Variants in CUX2 observed in about 807,000 individuals in gnomAD.
CUX2 encodes the protein homeobox protein cut-like 2.
CUX2 carries 40 observed loss-of-function variants against 144.8 expected under a neutral mutation model. The ratio of observed to expected loss-of-function variants is 0.28; its 90% confidence interval spans 0.21 to 0.36. CUX2 has a LOEUF of 0.36. CUX2 is among the 10% of genes least tolerant of loss of function. CUX2 has a pLI of 1.00. For synonymous variants in CUX2, 827 were observed against 875.6 expected, an observed-to-expected ratio of 0.94 and a Z score of 0.98; for missense variants, 1,615 against 1,994.0, an observed-to-expected ratio of 0.81 and a Z score of 3.62.
intron 1 of CUX2, among the ~76,000 whole-genome samples, chr12:111,102,409 G>A (rs560191883): frequency 6.6e-6 from 1 of 152,184 alleles, no homozygotes; most frequent in East Asian, 1.9e-4. Context: ...GTCCAAAGCC[G>A]ACTGACATCT....
intron 1 of CUX2, among the ~76,000 whole-genome samples, chr12:111,136,469 C>T (rs7303588): frequency 0.13 from 19,494 of 152,052 alleles, 4,214 homozygotes; most frequent in African/African-American, 0.44. Flanking sequence ...GGCCTCTTGA[C>T]AGGGAGACCC....
chr12:111,098,254 A>G (rs1592892515), intron 1 of CUX2, among the ~76,000 whole-genome samples: 1 of 152,010 alleles, frequency 6.6e-6, no homozygotes, highest in African/African-American at 2.4e-5. Flanking sequence ...ATAAAAATTA[A>G]CCGGGTGTGG....
intron 1 of CUX2, among the ~76,000 whole-genome samples, chr12:111,099,018 A>G (rs1001484): frequency 0.44 from 66,910 of 152,124 alleles, 20,695 homozygotes; most frequent in African/African-American, 0.86. Flanking sequence ...CCTCTGGAGT[A>G]AGGATAGGTG....
chr12:111,046,285 C>A (rs998846611), intron 1 of CUX2, among the ~76,000 whole-genome samples: 1 of 152,248 alleles, frequency 6.6e-6, no homozygotes, highest in Non-Finnish European at 1.5e-5. Context: ...TGCGGAGAGA[C>A]CAGTGCAGGC....
intron 1 of CUX2, among the ~76,000 whole-genome samples, chr12:111,048,220 C>T (rs1039569796): frequency 6.6e-6 from 1 of 152,162 alleles, no homozygotes; most frequent in Non-Finnish European, 1.5e-5. Flanking sequence ...GTTTGGCTCC[C>T]GCTGGGTTCA....
intron 1 of CUX2, among the ~76,000 whole-genome samples, chr12:111,084,991 C>T (rs1054039218): frequency 1.3e-5 from 2 of 152,194 alleles, no homozygotes; most frequent in African/African-American, 4.8e-5. Flanking sequence ...CATTGAGCAT[C>T]TACTATGTGC....
chr12:111,100,205 G>A (rs1317050405), intron 1 of CUX2: 2 of 352,422 alleles, frequency 5.7e-6, no homozygotes, highest in African/African-American at 2.3e-5. Flanking sequence ...GTGTGTGTAT[G>A]TGTGTGTGTG....
intron 1 of CUX2, among the ~76,000 whole-genome samples, chr12:111,119,289 C>A (rs1874485170): frequency 6.6e-6 from 1 of 152,042 alleles, no homozygotes; most frequent in Non-Finnish European, 1.5e-5. Flanking sequence ...GGGTAGCCTG[C>A]CCTGAGATTG....
intron 16 of CUX2, among the ~76,000 whole-genome samples, chr12:111,313,298 T>G (rs1401619534): frequency 6.6e-6 from 1 of 150,708 alleles, no homozygotes; most frequent in Non-Finnish European, 1.5e-5. Flanking sequence ...CTTGAACTCC[T>G]GACCTCGTGA....
intron 1 of CUX2, among the ~76,000 whole-genome samples, chr12:111,038,156 G>T (rs1009347147): frequency 6.6e-6 from 1 of 152,152 alleles, no homozygotes; most frequent in Non-Finnish European, 1.5e-5. Flanking sequence ...AAAAGAGCAG[G>T]GATGTGATTA....
intron 3 of CUX2, among the ~76,000 whole-genome samples, chr12:111,237,930 G>A (rs1882839441): frequency 6.6e-6 from 1 of 152,158 alleles, no homozygotes; most frequent in Non-Finnish European, 1.5e-5. Context: ...GGGGTGCCCT[G>A]TACATTGTAG....
At chr12:111,217,492 G>A (rs1881607450) in intron 2 of CUX2, among the ~76,000 whole-genome samples, 1 of 152,136 alleles carries the variant, frequency 6.6e-6, no homozygotes, top group Non-Finnish European at 1.5e-5. Context: ...TGCTGAGCAT[G>A]GAGAATTGGG....
At chr12:111,298,489 G>T in intron 8 of CUX2, 52 bp from the exon 9 acceptor site, 2 of 1,541,366 alleles carry the variant, frequency 1.3e-6, no homozygotes, top group Non-Finnish European at 8.8e-7. Context: ...GAGGGGCGGG[G>T]GCCTGGAGCC....
intron 18 of CUX2, among the ~76,000 whole-genome samples, chr12:111,330,686 C>T (rs11065867): frequency 3.4e-5 from 2 of 59,292 alleles, no homozygotes; most frequent in Non-Finnish European, 7.7e-5. Flanking sequence ...AATACATATA[C>T]ATATATATAT....
intron 1 of CUX2, among the ~76,000 whole-genome samples, chr12:111,080,137 G>T (rs1871792890): frequency 1.3e-5 from 2 of 152,136 alleles, no homozygotes; most frequent in Admixed American, 6.5e-5. Flanking sequence ...CTTTGCACTG[G>T]CTGTTCCCTC....
At chr12:111,199,459 G>C (rs1233064641) in intron 1 of CUX2, among the ~76,000 whole-genome samples, 1 of 152,126 alleles carries the variant, frequency 6.6e-6, no homozygotes, top group Admixed American at 6.5e-5. Flanking sequence ...AGGATTTCCT[G>C]GCTGGAGAAC....
rs746527601 is a variant in CUX2 at position 111,307,610 on chromosome 12, T to C, written c.1109+353T>C. ...CACTCAGGAGGCTGATGTGGGAGGA[T>C]TGCTTGAGCCTGAGAGGTCAAGGCT... On this transcript the variant is annotated intron_variant, in intron 12 of 21. Coordinates refer to ENST00000261726, the MANE Select transcript of CUX2 (RefSeq NM_015267.4). The surrounding 1 kb of genome is among the most constrained non-coding windows in gnomAD (Gnocchi z 4.1). Among the ~76,000 whole-genome samples, 12 of 152,094 alleles carry C rather than the reference T, an allele frequency of 7.9e-5. No individual in the cohort carries two copies. Among genetic ancestry groups the C allele is most frequent in the African/African-American group, 2.2e-4 (9 of 41,412 alleles).
At chr12:111,100,059 T>G (rs1022217452) in intron 1 of CUX2, 1 of 456,822 alleles carries the variant, frequency 2.2e-6, no homozygotes, top group Non-Finnish European at 4.4e-6. Context: ...AGCGGGGCTG[T>G]GTCTGGACAC....
At chr12:111,275,653 C>T (rs762213682) in intron 4 of CUX2, among the ~76,000 whole-genome samples, 14 of 152,320 alleles carry the variant, frequency 9.2e-5, no homozygotes, top group South Asian at 4.1e-4. Flanking sequence ...GGGGGCTTGG[C>T]AGCACCTAGT....
Sources: gnomAD v4.1 joint callset for allele counts (sites outside exome capture counted in the v4.1 genomes callset) on GRCh38, gnomAD v4.1.1 for gene constraint, Gnocchi (gnomAD v3.1) non-coding constraint, MANE v1.5 for transcripts, NCBI Gene and HGNC (gene_info 2026-07-23, HGNC 2026-07-21) for gene names.